The following OSBPL6 variants were observed in gnomAD, a reference collection of about 807,000 sequenced individuals.
OSBPL6 encodes the protein oxysterol binding protein like 6, also known as oxysterol-binding protein-related protein 6.
OSBPL6 carries 49 observed loss-of-function variants against 125.8 expected under a neutral mutation model. The ratio of observed to expected loss-of-function variants is 0.39; its 90% CI spans 0.31 to 0.49. The LOEUF is 0.49. Ranked by LOEUF, OSBPL6 falls within the 20% of genes least tolerant of loss-of-function variation. OSBPL6 has a pLI of 0.88. For missense variants in OSBPL6, 986 were observed against 1,135.4 expected (o/e 0.87, Z 1.89); for synonymous variants, 394 against 391.8 (o/e 1.01, Z -0.07).
At chr2:178,320,477 C>A in intron 3 of OSBPL6, 1 of 1,446,814 alleles carries the variant, frequency 6.9e-7, no homozygotes, top group African/African-American at 1.4e-5. Context: ...ATAATTTTAG[C>A]ATTTGAGAGG....
intron 1 of OSBPL6, among the ~76,000 whole-genome samples, chr2:178,277,583 CTT>C (rs1173160643): frequency 6.6e-6 from 1 of 152,164 alleles, no homozygotes; most frequent in African/African-American, 2.4e-5. Context: ...TTATGTTTGT[CTT>C]GAGCAAATTA....
rs113961815 is a variant in OSBPL6, at chr2:178,224,291, A to G, written c.-351+29617A>G. ...AGAGCAAATGATTTGTGAATAAGAA[A>G]ACTGTCTATTGCAGAGTGAGCAGAA... On this transcript the variant is annotated intron_variant, in intron 1 of 24. Transcript: ENST00000190611. Among the ~76,000 whole-genome samples the G allele has an allele frequency of 1.2e-4, 18 of 152,346 alleles. 1 individual carries two copies. The highest frequency in any genetic ancestry group is 4.3e-4 in the African/African-American group (18 of 41,584).
Position 178,401,601 on chromosome 2 carries a change from C to G in OSBPL6, c.*6042C>G, listed in dbSNP as rs1696105224. 1 of 152,118 alleles carries G rather than the reference C, an allele frequency of 6.6e-6. No individual in the cohort carries two copies. Among genetic ancestry groups the G allele is most frequent in the African/African-American group, 2.4e-5 (1 of 41,408 alleles). 9.4% of individuals were successfully genotyped at this position (152,118 alleles called of 1,614,324 possible). On this transcript the variant is annotated 3_prime_UTR_variant, in exon 25 of 25. Coordinates refer to ENST00000190611, the MANE Select transcript of OSBPL6 (RefSeq NM_032523.4). ...TGAAGAAACAAGGCAAGAATGAATA[C>G]AAGAGAAATGGAATCTGGGGAAAAA...
Position 178,249,772 on chromosome 2 carries a change from G to A in OSBPL6, c.-350-35155G>A, listed in dbSNP as rs531565294. ...TGTTGGCACCCAGAGACTGACTTTC[G>A]AGCCAATTTATAAGTAAATCTCCAG... On this transcript the variant is annotated intron_variant, in intron 1 of 24. Transcript: ENST00000190611. Among the ~76,000 whole-genome samples, 5 of 150,704 alleles carry A rather than the reference G, an allele frequency of 3.3e-5. No individual in the cohort carries two copies. The South Asian group carries it at 1.1e-3, about 32-fold the overall frequency.
At position 178,243,084 on chromosome 2, in the gene OSBPL6, G is replaced by T. The variant is rs148253852; in HGVS notation, c.-350-41843G>T. ...TGTATAAAATCAATAACTCTGTGTA[G>T]TCGGTTGATAGCAGACTTCTGTACA... On this transcript the variant is annotated intron_variant, in intron 1 of 24. Transcript: ENST00000190611. 1.1e-3 allele frequency among the ~76,000 whole-genome samples: 161 copies of T among 152,204 alleles called. 1 individual carries two copies. The highest frequency in any genetic ancestry group is 3.8e-3 in the African/African-American group (158 of 41,530).
rs1418059957 is a variant in OSBPL6 at position 178,397,250 on chromosome 2, T to G, written c.*1691T>G. The G allele has an allele frequency of 6.6e-6, 1 of 152,152 alleles. No individual in the cohort carries two copies. The highest frequency in any genetic ancestry group is 2.4e-5 in the African/African-American group (1 of 41,422). 9.4% of individuals were successfully genotyped at this position (152,152 alleles called of 1,614,324 possible). A position where few individuals can be genotyped will look rare whatever the true frequency, so the allele number is the denominator to read the frequency against. ...CCAAAACTCCTCCCTTGCATCTGAG[T>G]TTTTATGTTATGTGTACAGTCTGCA... is the stretch of plus-strand genomic sequence containing the variant. On this transcript the variant is annotated 3_prime_UTR_variant, in exon 25 of 25. Coordinates refer to ENST00000190611, the MANE Select transcript of OSBPL6 (RefSeq NM_032523.4).
At chr2:178,277,245 ATATT>A (rs2092488074) in intron 1 of OSBPL6, among the ~76,000 whole-genome samples, 1 of 152,214 alleles carries the variant, frequency 6.6e-6, no homozygotes, top group Admixed American at 6.5e-5. Context: ...GGTTTCTGTA[ATATT>A]TATTCTTTGG....
intron 12 of OSBPL6, among the ~76,000 whole-genome samples, chr2:178,357,420 A>C (rs1390263670): frequency 6.6e-6 from 1 of 152,246 alleles, no homozygotes; most frequent in African/African-American, 2.4e-5. Context: ...AAAAGTGGGC[A>C]AAGGATATGA....
chr2:178,311,336 C>T lies in OSBPL6; in HGVS notation c.102+5050C>T, dbSNP rs550245979. Among the ~76,000 whole-genome samples, 359 of 152,276 alleles carry T rather than the reference C, an allele frequency of 2.4e-3. 3 individuals are homozygous for T. The highest frequency in any genetic ancestry group is 8.3e-3 in the African/African-American group (346 of 41,548). ...CTCCAAATATACCCTCCTTGGGCAG[C>T]CTTCTCTGCCCTTCCCTGCATGTAC... On this transcript the variant is annotated intron_variant, in intron 3 of 24. Transcript: ENST00000190611.
At chr2:178,243,952 A>G (rs2091395530) in intron 1 of OSBPL6, among the ~76,000 whole-genome samples, 1 of 152,122 alleles carries the variant, frequency 6.6e-6, no homozygotes, top group African/African-American at 2.4e-5. Flanking sequence ...CGCCTGGCCC[A>G]TTCATTGTTT....
chr2:178,286,199 T>A (rs966715275), intron 2 of OSBPL6, among the ~76,000 whole-genome samples: 2 of 152,220 alleles, frequency 1.3e-5, no homozygotes, highest in Non-Finnish European at 2.9e-5. Flanking sequence ...AAAAATCAGA[T>A]AGATCAGATA....
intron 3 of OSBPL6, among the ~76,000 whole-genome samples, chr2:178,311,037 G>C (rs544712099): frequency 1.3e-5 from 2 of 152,244 alleles, no homozygotes; most frequent in African/African-American, 4.8e-5. Context: ...ACCTAAGTCA[G>C]AGTGAGCCAC....
intron 1 of OSBPL6, among the ~76,000 whole-genome samples, chr2:178,231,639 T>C (rs2090823717): frequency 4.2e-5 from 1 of 23,996 alleles, no homozygotes; most frequent in Non-Finnish European, 8.8e-5. Flanking sequence ...GGTGGTCCCA[T>C]TTTTTTTTTT....
chr2:178,334,290 G>A (rs534172120), intron 8 of OSBPL6, among the ~76,000 whole-genome samples: 8 of 152,252 alleles, frequency 5.3e-5, no homozygotes, highest in African/African-American at 1.9e-4. Flanking sequence ...GTTCAAGAAC[G>A]TTCCAATGAA....
chr2:178,361,629 G>T (rs1311168655), intron 12 of OSBPL6, 53 bp from the exon 13 acceptor site: 1 of 1,595,796 alleles, frequency 6.3e-7, no homozygotes, highest in Admixed American at 1.7e-5. Flanking sequence ...ATAATGTTGT[G>T]TATTCTTTCT....
intron 2 of OSBPL6, 35 bp downstream of exon 2, chr2:178,285,156 C>T (rs1684576276): frequency 1.0e-5 from 4 of 397,984 alleles, no homozygotes; most frequent in Non-Finnish European, 1.8e-5. Flanking sequence ...AAACCAAAAG[C>T]AGGGTTAGGT....
chr2:178,351,672 A>C (rs1156438547), intron 12 of OSBPL6, among the ~76,000 whole-genome samples: 1 of 152,250 alleles, frequency 6.6e-6, no homozygotes, highest in East Asian at 1.9e-4. Flanking sequence ...AAAAAGAACA[A>C]GATCACGTGT....
intron 15 of OSBPL6, among the ~76,000 whole-genome samples, chr2:178,376,495 C>G (rs1453735921): frequency 6.6e-6 from 1 of 152,112 alleles, no homozygotes; most frequent in Non-Finnish European, 1.5e-5. Context: ...TGCTCCCCAC[C>G]TAGATCACCC....
At chr2:178,244,911 T>G (rs1277845702) in intron 1 of OSBPL6, among the ~76,000 whole-genome samples, 16 of 152,248 alleles carry the variant, frequency 1.1e-4, no homozygotes. Flanking sequence ...AACAATGTGC[T>G]AAGTTACAGA....
Sources: gnomAD v4.1 joint callset for allele counts (sites outside exome capture counted in the v4.1 genomes callset) on GRCh38, gnomAD v4.1.1 for gene constraint, MANE v1.5 for transcripts, NCBI Gene and HGNC (gene_info 2026-07-23, HGNC 2026-07-21) for gene names.